The following EYS variants were observed in gnomAD, a reference collection of about 807,000 sequenced individuals.
EYS encodes the protein EGF-like photoreceptor maintenance factor, also known as protein eyes shut homolog.
EYS carries 250 observed loss-of-function variants against 282.1 expected under a neutral mutation model. The observed-to-expected ratio is 0.89, with a 90% CI of 0.80 to 0.98. The LOEUF (loss-of-function observed/expected upper bound fraction) is 0.98. EYS is among the 50% of genes least tolerant of loss of function. EYS has a pLI of 0.00. For missense variants in EYS, 4,016 were observed against 3,709.0 expected (o/e 1.08, Z -2.15); for synonymous variants, 1,355 against 1,282.9 (o/e 1.06, Z -1.20).
chr6:65,518,928 A>T (rs1373922227), intron 2 of EYS, among the ~76,000 whole-genome samples: 1 of 152,098 alleles, frequency 6.6e-6, no homozygotes, highest in Non-Finnish European at 1.5e-5. Flanking sequence ...CTCTCCCATG[A>T]CACGTGGAAA....
At chr6:64,350,014 G>C (rs1021251569) in intron 29 of EYS, among the ~76,000 whole-genome samples, 8 of 151,314 alleles carry the variant, frequency 5.3e-5, no homozygotes, top group Non-Finnish European at 1.0e-4. Flanking sequence ...AGAAATAAAG[G>C]AGATTCTAGT....
chr6:65,244,463 ATTATAC>A (rs1268113272), intron 12 of EYS, among the ~76,000 whole-genome samples: 1 of 152,092 alleles, frequency 6.6e-6, no homozygotes, highest in East Asian at 1.9e-4. Flanking sequence ...TTCTAAAATA[ATTATAC>A]TTATACCCTA....
intron 19 of EYS, among the ~76,000 whole-genome samples, chr6:64,886,368 C>G (rs181691640): frequency 1.8e-4 from 28 of 151,888 alleles, no homozygotes; most frequent in African/African-American, 5.5e-4. Flanking sequence ...AGTTTTGTAA[C>G]AGATATAATA....
At chr6:64,125,154 GTCTC>G (rs112304740) in intron 31 of EYS, among the ~76,000 whole-genome samples, 23 of 145,258 alleles carry the variant, frequency 1.6e-4, no homozygotes, top group East Asian at 9.9e-4. Flanking sequence ...CACACTCTCT[GTCTC>G]TCTCTCTCTC....
chr6:65,488,090 G>A (rs2127263479), intron 5 of EYS, among the ~76,000 whole-genome samples: 1 of 152,006 alleles, frequency 6.6e-6, no homozygotes, highest in South Asian at 2.1e-4. Flanking sequence ...TCTGGCTAGT[G>A]GTATATCTAT....
chr6:65,386,654 A>C (rs1765815091), intron 7 of EYS, among the ~76,000 whole-genome samples: 1 of 152,100 alleles, frequency 6.6e-6, no homozygotes, highest in South Asian at 2.1e-4. Context: ...AACAACATGG[A>C]CCTTTTTAAT....
At chr6:63,803,837 T>C (rs1361050859) in intron 37 of EYS, among the ~76,000 whole-genome samples, 3 of 152,062 alleles carry the variant, frequency 2.0e-5, no homozygotes, top group Admixed American at 2.0e-4. Flanking sequence ...GAAACAACTA[T>C]ATTAAAAATA....
intron 33 of EYS, among the ~76,000 whole-genome samples, chr6:64,000,501 G>C (rs900625016): frequency 2.6e-5 from 4 of 151,732 alleles, no homozygotes; most frequent in African/African-American, 7.2e-5. Context: ...AGCCCGGCAG[G>C]ACTTTTAGTT....
chr6:65,493,491 C>T (rs910731581), intron 4 of EYS, among the ~76,000 whole-genome samples: 1 of 152,164 alleles, frequency 6.6e-6, no homozygotes, highest in Admixed American at 6.5e-5. Flanking sequence ...TTGTAACTCT[C>T]CATGCCAGGT....
At chr6:65,629,379 G>T (rs150746564) in intron 2 of EYS, among the ~76,000 whole-genome samples, 1 of 152,294 alleles carries the variant, frequency 6.6e-6, no homozygotes, top group East Asian at 1.9e-4. Context: ...TAGTCAGGCT[G>T]CAATTTGATT....
chr6:65,578,641 G>C lies in EYS; in HGVS notation c.-333+61137C>G, dbSNP rs527660622. 1.8e-4 allele frequency among the ~76,000 whole-genome samples: 28 copies of C among 151,562 alleles called. 1 individual carries two copies. The highest frequency in any genetic ancestry group is 6.3e-4 in the African/African-American group (26 of 41,370). ...TGATAAGTGTGTGAGGTAATGCATA[G>C]GTAAAATAGCTTGGTTCAGTTATTT... On this transcript the variant is annotated intron_variant, in intron 2 of 42. Transcript: ENST00000503581.
chr6:64,465,153 G>T (rs1775876429), intron 26 of EYS, among the ~76,000 whole-genome samples: 1 of 152,022 alleles, frequency 6.6e-6, no homozygotes, highest in Non-Finnish European at 1.5e-5. Context: ...TCATATGTTT[G>T]AAGAGTAAAC....
At chr6:64,070,622 A>C (rs1771539820) in intron 32 of EYS, among the ~76,000 whole-genome samples, 2 of 152,062 alleles carry the variant, frequency 1.3e-5, no homozygotes, top group African/African-American at 4.8e-5. Context: ...TGTCTAGTTA[A>C]ACTGGCAACT....
chr6:64,123,923 A>G (rs984869939), intron 31 of EYS, among the ~76,000 whole-genome samples: 1 of 152,228 alleles, frequency 6.6e-6, no homozygotes, highest in Non-Finnish European at 1.5e-5. Context: ...TGGGCTCAGT[A>G]CATCCATAAG....
Position 64,517,745 on chromosome 6 carries a change from C to A in EYS, c.5644+72478G>T. On this transcript the variant is annotated intron_variant, in intron 26 of 42. Coordinates refer to ENST00000503581, the MANE Select transcript of EYS (RefSeq NM_001142800.2). ...CTCAGAATAGAAAATAAAAAAATTA[C>A]TTTTACTAGTATACTCTAGCACACA... Among the ~76,000 whole-genome samples, 3 of 151,964 alleles carry A rather than the reference C, an allele frequency of 2.0e-5. No homozygotes were observed. In the Middle Eastern group the frequency reaches 0.01, roughly 517 times the overall value.
intron 5 of EYS, among the ~76,000 whole-genome samples, chr6:65,451,356 A>G (rs577852201): frequency 1.2e-3 from 178 of 152,148 alleles, no homozygotes; most frequent in Non-Finnish European, 2.2e-3. Context: ...CCATGCTTTC[A>G]TTTGTTTAAT....
chr6:63,943,971 A>G (rs1398249889), intron 35 of EYS, among the ~76,000 whole-genome samples: 1 of 152,192 alleles, frequency 6.6e-6, no homozygotes, highest in Non-Finnish European at 1.5e-5. Context: ...CATGCTGTGA[A>G]GACCATCTAG....
rs1221830320 is a variant in EYS, at chr6:63,778,151, C to T, written c.7753G>A (p.Glu2585Lys). 2 of 1,551,768 alleles carry T rather than the reference C, an allele frequency of 1.3e-6. No individual in the cohort carries two copies. The highest frequency in any genetic ancestry group is 2.7e-5 in the African/African-American group (2 of 73,056). ...GCIFTLQVRT[E>K]KDGHFRGLGN... ...AGTCCTCTGAAATGGCCATCCTTCT[C>T]AGTGCGAACTTGAAGAGTGAAAATA... The change falls in exon 40 of 43, where the codon GAG (glutamate) becomes AAG (lysine). Residue 2585 changes from glutamate to lysine, a missense_variant. Glu to Lys is a moderately conservative substitution (Grantham distance 56, BLOSUM62 1). Transcript: ENST00000503581.
At position 65,696,508 on chromosome 6, in the gene EYS, T is replaced by G. The variant is rs1033514228; in HGVS notation, c.-448+10627A>C. Among the ~76,000 whole-genome samples, 4 of 152,128 alleles carry G rather than the reference T, an allele frequency of 2.6e-5. No homozygotes were observed. The South Asian group carries it at 8.3e-4, about 32-fold the overall frequency. ...TTCTTAACGGTAGTCTTGATTTTCT[T>G]AGTTGCTATCATTATTACAAACCTC... is the stretch of plus-strand genomic sequence containing the variant. On this transcript the variant is annotated intron_variant, in intron 1 of 42. Transcript: ENST00000503581.
Sources: allele counts gnomAD v4.1 joint callset (sites outside exome capture counted in the v4.1 genomes callset), GRCh38; gene constraint gnomAD v4.1.1; transcripts MANE v1.5; gene names NCBI Gene and HGNC (gene_info 2026-07-23, HGNC 2026-07-21).